CTNNAL1: variants seen among roughly 807,000 people sequenced by gnomAD.
The protein encoded by CTNNAL1 is catenin alpha like 1.
CTNNAL1 carries 69 observed loss-of-function variants against 93.6 expected under a neutral mutation model. That is an observed-to-expected ratio of 0.74 (90% confidence interval 0.61 to 0.90). The LOEUF (loss-of-function observed/expected upper bound fraction) is 0.90, where lower values mean the gene tolerates loss of function less well. Ranked by LOEUF, CTNNAL1 falls within the 40% of genes least tolerant of loss-of-function variation. The probability of loss-of-function intolerance (pLI) is 0.00; values close to 1 mark genes in which losing one functional copy is unlikely to be tolerated. For synonymous variants in CTNNAL1, 286 were observed against 305.4 expected, an observed-to-expected ratio of 0.94 and a Z score of 0.66; for missense variants, 836 against 862.0, an observed-to-expected ratio of 0.97 and a Z score of 0.38.
At chr9:108,964,102 T>C in intron 11 of CTNNAL1, among the ~76,000 whole-genome samples, 1 of 152,234 alleles carries the variant, frequency 6.6e-6, no homozygotes, top group Non-Finnish European at 1.5e-5. Context: ...ATTTACCTTT[T>C]AATATCCAAA....
intron 8 of CTNNAL1, 31 bp from the exon 9 acceptor site, chr9:108,972,864 G>GGGCCCCCCCCCCCCCCC: frequency 7.0e-6 from 1 of 142,564 alleles, no homozygotes; most frequent in Non-Finnish European, 1.0e-5. Context: ...GGGGGGGTGG[G>GGGCCCCCCCCCCCCCCC]AGGGTGGAGA....
intron 14 of CTNNAL1, among the ~76,000 whole-genome samples, chr9:108,951,251 G>A (rs922891774): frequency 3.3e-5 from 5 of 150,448 alleles, no homozygotes; most frequent in African/African-American, 9.8e-5. Context: ...TCCTGACCTC[G>A]TGATCCGCCC....
intron 1 of CTNNAL1, among the ~76,000 whole-genome samples, chr9:109,002,811 C>T (rs1826884475): frequency 6.6e-6 from 1 of 151,148 alleles, no homozygotes; most frequent in South Asian, 2.1e-4. Flanking sequence ...TGGAGAAACC[C>T]CATCTCCACT....
intron 6 of CTNNAL1, among the ~76,000 whole-genome samples, 193 bp downstream of exon 6, chr9:108,982,951 GC>G (rs1831480031): frequency 6.6e-6 from 1 of 152,102 alleles, no homozygotes; most frequent in Non-Finnish European, 1.5e-5. Flanking sequence ...GGTAGCACAT[GC>G]CTGTAGTACC....
intron 6 of CTNNAL1, among the ~76,000 whole-genome samples, chr9:108,979,987 C>G (rs1188991636): frequency 6.6e-6 from 1 of 152,164 alleles, no homozygotes; most frequent in Non-Finnish European, 1.5e-5. Context: ...ACTGGTCTCC[C>G]TACATTTTGT....
At chr9:108,944,483 A>G (rs577424186) in intron 15 of CTNNAL1, among the ~76,000 whole-genome samples, 2 of 152,328 alleles carry the variant, frequency 1.3e-5, no homozygotes, top group South Asian at 2.1e-4. Context: ...GAGAGAACCA[A>G]TCCAGGTGGT....
At position 108,992,650 on chromosome 9, in the gene CTNNAL1, T is replaced by C; in HGVS notation, c.501A>G (p.Ile167Met). 1 of 1,611,118 alleles carries C rather than the reference T, an allele frequency of 6.2e-7. No homozygotes were observed. The highest frequency in any genetic ancestry group is 8.5e-7 in the Non-Finnish European group (1 of 1,178,890). ...LLADRVVIKQ[I>M]ITSRNKVLAT... Reference sequence around the variant, plus strand: ...TAAGTACCTTATTTCTTGATGTTATTATCTGTTTAATGACTACTCGGTCTG... The same window carrying C: ...TAAGTACCTTATTTCTTGATGTTATCATCTGTTTAATGACTACTCGGTCTG... Residue 167 changes from isoleucine (I) to methionine (M), a missense_variant, in exon 3 of 19, where the codon ATA becomes ATG. Transcript: ENST00000325551.
At chr9:108,943,648 G>C (rs2132073446) in intron 17 of CTNNAL1, 55 bp downstream of exon 17, 3 of 1,430,828 alleles carry the variant, frequency 2.1e-6, no homozygotes, top group East Asian at 4.7e-5. Flanking sequence ...GAAGAAAAAG[G>C]GGCTTTAACC....
chr9:108,969,316 A>G (rs1831044073), intron 10 of CTNNAL1, among the ~76,000 whole-genome samples: 1 of 152,082 alleles, frequency 6.6e-6, no homozygotes, highest in African/African-American at 2.4e-5. Context: ...TTTTCCTTAG[A>G]TTAATTTGAC....
At chr9:108,995,537 G>A (rs758986315) in intron 2 of CTNNAL1, among the ~76,000 whole-genome samples, 2 of 152,150 alleles carry the variant, frequency 1.3e-5, no homozygotes, top group Non-Finnish European at 2.9e-5. Flanking sequence ...CCCTAAAAAA[G>A]TAACAAAGCT....
chr9:108,972,864 G>GGGGGTGCC, intron 8 of CTNNAL1, 31 bp from the exon 9 acceptor site: 1 of 142,590 alleles, frequency 7.0e-6, no homozygotes, highest in Non-Finnish European at 1.0e-5. Context: ...GGGGGGGTGG[G>GGGGGTGCC]AGGGTGGAGA....
At chr9:108,984,546 G>GT in intron 4 of CTNNAL1, 110 bp from the exon 5 acceptor site, 146 of 334,178 alleles carry the variant, frequency 4.4e-4, no homozygotes, top group Middle Eastern at 7.4e-4. Context: ...ACATTGTTAA[G>GT]TGAAAAAAAA....
intron 1 of CTNNAL1, 70 bp downstream of exon 1, chr9:109,013,232 T>A (rs1205018640): frequency 7.1e-7 from 1 of 1,401,876 alleles, no homozygotes; most frequent in East Asian, 3.1e-5. Context: ...CGTCCGGTCG[T>A]GCGAGCGGCG....
intron 1 of CTNNAL1, among the ~76,000 whole-genome samples, chr9:109,008,346 G>C (rs118011482): frequency 0.22 from 33,251 of 151,686 alleles, 4,434 homozygotes; most frequent in Admixed American, 0.3. Context: ...TAGTAGAGAC[G>C]GGGTTGGTCA....
At chr9:108,972,913 A>G (rs1831159935) in intron 8 of CTNNAL1, 80 bp from the exon 9 acceptor site, 2 of 1,433,656 alleles carry the variant, frequency 1.4e-6, no homozygotes, top group African/African-American at 2.9e-5. Context: ...AAACAATAAC[A>G]TTTTGTGACC....
At chr9:109,008,895 T>C (rs1246763600) in intron 1 of CTNNAL1, among the ~76,000 whole-genome samples, 2 of 136,840 alleles carry the variant, frequency 1.5e-5, no homozygotes, top group African/African-American at 5.6e-5. Context: ...TTTTTTTTTT[T>C]TTTTTTTTTT....
chr9:108,997,631 G>C (rs1393726647), intron 2 of CTNNAL1, among the ~76,000 whole-genome samples: 1 of 152,072 alleles, frequency 6.6e-6, no homozygotes, highest in Non-Finnish European at 1.5e-5. Flanking sequence ...CTCTCCTCCT[G>C]CTGATGACCT....
chr9:108,972,864 G>GCCCCCCCCCCCCCCCC, intron 8 of CTNNAL1, 31 bp from the exon 9 acceptor site: 1 of 142,582 alleles, frequency 7.0e-6, no homozygotes, highest in Non-Finnish European at 1.0e-5. Context: ...GGGGGGGTGG[G>GCCCCCCCCCCCCCCCC]AGGGTGGAGA....
intron 14 of CTNNAL1, among the ~76,000 whole-genome samples, chr9:108,949,991 TC>T (rs1830513405): frequency 7.3e-6 from 1 of 136,508 alleles, no homozygotes; most frequent in Non-Finnish European, 1.5e-5. Flanking sequence ...GCCACTGCAC[TC>T]CAGCCTGGGT....
Sources: allele counts gnomAD v4.1 joint callset (sites outside exome capture counted in the v4.1 genomes callset), GRCh38; gene constraint gnomAD v4.1.1; transcripts MANE v1.5; gene names NCBI Gene and HGNC (gene_info 2026-07-23, HGNC 2026-07-21).